The following TRAPPC9 variants were observed in gnomAD, a reference collection of about 807,000 sequenced individuals.
TRAPPC9 encodes IKK2 binding protein.
In TRAPPC9, 83 loss-of-function variants were observed where a neutral mutation model predicts 124.0. The ratio of observed to expected loss-of-function variants is 0.67; its 90% confidence interval spans 0.56 to 0.80. TRAPPC9 has a LOEUF of 0.80. Ranked by LOEUF, TRAPPC9 falls within the 30% of genes least tolerant of loss-of-function variation. TRAPPC9 has a pLI of 0.00. For missense variants in TRAPPC9, 1,302 were observed against 1,508.3 expected (o/e 0.86, Z 2.27); for synonymous variants, 638 against 617.5 (o/e 1.03, Z -0.49).
At chr8:139,770,798 C>A (rs556004243) in intron 21 of TRAPPC9, among the ~76,000 whole-genome samples, 13 of 152,344 alleles carry the variant, frequency 8.5e-5, no homozygotes, top group African/African-American at 3.1e-4. Context: ...TGGACCCCAG[C>A]AGGCAGGAGG....
chr8:139,819,736 G>A (rs369894208), intron 21 of TRAPPC9, among the ~76,000 whole-genome samples: 2 of 151,996 alleles, frequency 1.3e-5, no homozygotes, highest in African/African-American at 4.8e-5. Context: ...CATCCAGGCC[G>A]GGCGCAGTGG....
chr8:140,217,915 G>A (rs2063234910), intron 17 of TRAPPC9, among the ~76,000 whole-genome samples: 1 of 152,018 alleles, frequency 6.6e-6, no homozygotes, highest in Non-Finnish European at 1.5e-5. Flanking sequence ...TACTGCAGAG[G>A]CTGAGGCACA....
chr8:140,061,882 C>CTTGG (rs1842641702), intron 17 of TRAPPC9, among the ~76,000 whole-genome samples: 2 of 152,130 alleles, frequency 1.3e-5, no homozygotes, highest in South Asian at 4.1e-4. Flanking sequence ...CCACCATGGG[C>CTTGG]TTGGAGACCA....
chr8:140,107,905 A>G (rs1406097165), intron 17 of TRAPPC9, among the ~76,000 whole-genome samples: 3 of 149,160 alleles, frequency 2.0e-5, no homozygotes, highest in African/African-American at 7.4e-5. Flanking sequence ...CTTGCCCACA[A>G]TTTAGGCTAG....
At chr8:140,239,756 C>T (rs1259674316) in intron 16 of TRAPPC9, among the ~76,000 whole-genome samples, 2 of 152,264 alleles carry the variant, frequency 1.3e-5, no homozygotes, top group East Asian at 1.9e-4. Context: ...CTTAGTAACA[C>T]GTTTGTGGGA....
intron 17 of TRAPPC9, among the ~76,000 whole-genome samples, chr8:140,166,717 G>T (rs1587843473): frequency 6.6e-6 from 1 of 152,256 alleles, no homozygotes; most frequent in African/African-American, 2.4e-5. Context: ...CAGCTCTGCG[G>T]AATGGGAGTG....
chr8:139,951,054 G>T (rs57198373), intron 19 of TRAPPC9, among the ~76,000 whole-genome samples: 9 of 152,020 alleles, frequency 5.9e-5, no homozygotes, highest in Non-Finnish European at 8.8e-5. Context: ...CATCCCCACC[G>T]CCACCTCCCC....
At chr8:139,913,227 A>G (rs1831869303) in intron 19 of TRAPPC9, among the ~76,000 whole-genome samples, 1 of 152,248 alleles carries the variant, frequency 6.6e-6, no homozygotes, top group Admixed American at 6.5e-5. Context: ...TCTGCCCATA[A>G]AACAGAAAAG....
chr8:140,277,759 G>A (rs1403451807), intron 14 of TRAPPC9, among the ~76,000 whole-genome samples: 2 of 152,230 alleles, frequency 1.3e-5, no homozygotes, highest in Non-Finnish European at 2.9e-5. Context: ...CCCCAGGGAG[G>A]GGCTGCAGAG....
intron 17 of TRAPPC9, among the ~76,000 whole-genome samples, chr8:140,045,306 A>G (rs1019307917): frequency 6.6e-6 from 1 of 152,194 alleles, no homozygotes; most frequent in East Asian, 1.9e-4. Flanking sequence ...TGAGCATTAA[A>G]TGAGCACAAG....
intron 21 of TRAPPC9, among the ~76,000 whole-genome samples, chr8:139,850,283 T>G (rs1827359473): frequency 6.6e-6 from 1 of 152,216 alleles, no homozygotes; most frequent in Non-Finnish European, 1.5e-5. Flanking sequence ...TGACATCAAT[T>G]AATGCTTACC....
rs143500438 is a variant in TRAPPC9 at position 140,216,449 on chromosome 8, C to G, written c.2556+5010G>C. On this transcript the variant is annotated intron_variant, in intron 17 of 22. Coordinates refer to ENST00000438773, the MANE Select transcript of TRAPPC9 (RefSeq NM_001160372.4). This position sits in a 1 kb window ranked among gnomAD's most constrained non-coding sequence, Gnocchi z 4.1. ...CTAGATTTTGAAATGTTACCCTAAA[C>G]TGTAAGAGCCTATCCTGTGAGACAC... 6.6e-6 allele frequency among the ~76,000 whole-genome samples: 1 copy of G among 152,316 alleles called. No individual in the cohort carries two copies. The highest frequency in any genetic ancestry group is 1.5e-5 in the Non-Finnish European group (1 of 68,030).
At chr8:140,349,580 TG>T (rs2067481486) in intron 9 of TRAPPC9, among the ~76,000 whole-genome samples, 1 of 152,002 alleles carries the variant, frequency 6.6e-6, no homozygotes, top group South Asian at 2.1e-4. Flanking sequence ...AACTACGGCA[TG>T]TCTGCACACA....
intron 17 of TRAPPC9, among the ~76,000 whole-genome samples, chr8:140,138,824 G>T (rs1449272526): frequency 6.6e-6 from 1 of 152,112 alleles, no homozygotes; most frequent in Non-Finnish European, 1.5e-5. Flanking sequence ...TAAACAAAAT[G>T]GGGGGATTGG....
At chr8:139,839,168 C>A (rs1162886087) in intron 21 of TRAPPC9, among the ~76,000 whole-genome samples, 1 of 152,254 alleles carries the variant, frequency 6.6e-6, no homozygotes, top group Non-Finnish European at 1.5e-5. Flanking sequence ...GGACGTGGCA[C>A]AGGCCTGGGC....
At chr8:140,455,438 G>C (rs187174206) in intron 1 of TRAPPC9, among the ~76,000 whole-genome samples, 1 of 150,542 alleles carries the variant, frequency 6.6e-6, no homozygotes, top group East Asian at 2.0e-4. Context: ...TTTTTTGTTT[G>C]TTTGTTGTTT....
intron 16 of TRAPPC9, among the ~76,000 whole-genome samples, chr8:140,249,597 C>CTTTTTTTTTTTTT (rs35511380): frequency 1.2e-5 from 1 of 81,962 alleles, no homozygotes; most frequent in African/African-American, 5.3e-5. Flanking sequence ...ATCTTTCACT[C>CTTTTTTTTTTTTT]TTTTTTTTTT....
intron 21 of TRAPPC9, among the ~76,000 whole-genome samples, chr8:139,786,023 A>C (rs1822212944): frequency 6.6e-6 from 1 of 152,002 alleles, no homozygotes; most frequent in South Asian, 2.1e-4. Flanking sequence ...CCTGGCCAAC[A>C]TGGTGAAACC....
At chr8:140,287,522 C>A in intron 13 of TRAPPC9, 86 bp downstream of exon 13, 1 of 1,554,714 alleles carries the variant, frequency 6.4e-7, no homozygotes. Flanking sequence ...ACTGGCATGA[C>A]GGGCGATCGG....
Sources: allele counts gnomAD v4.1 joint callset (sites outside exome capture counted in the v4.1 genomes callset), GRCh38; gene constraint gnomAD v4.1.1; non-coding constraint Gnocchi (gnomAD v3.1); transcripts MANE v1.5; gene names NCBI Gene and HGNC (gene_info 2026-07-23, HGNC 2026-07-21).